ATF6: variants seen among roughly 807,000 people sequenced by gnomAD.
The protein encoded by ATF6 is activating transcription factor 6.
ATF6 carries 53 observed loss-of-function variants against 83.6 expected under a neutral mutation model. The ratio of observed to expected loss-of-function variants is 0.63; its 90% CI spans 0.51 to 0.80. The LOEUF (loss-of-function observed/expected upper bound fraction) is 0.80. Among genes scored for constraint, ATF6 ranks in the 30% least tolerant of loss-of-function variants. The pLI is 0.00. For missense variants in ATF6, 744 were observed against 797.9 expected, an observed-to-expected ratio of 0.93 and a Z score of 0.81; for synonymous variants, 288 against 285.8, an observed-to-expected ratio of 1.01 and a Z score of -0.08.
intron 9 of ATF6, among the ~76,000 whole-genome samples, chr1:161,839,908 G>C (rs1272365055): frequency 6.6e-6 from 1 of 152,202 alleles, no homozygotes. Flanking sequence ...GATACAGGGA[G>C]AGGTCAATTG....
chr1:161,890,371 T>TA (rs1431002054), intron 14 of ATF6, among the ~76,000 whole-genome samples: 3 of 152,350 alleles, frequency 2.0e-5, no homozygotes, highest in African/African-American at 7.2e-5. Flanking sequence ...AGGTTACCTG[T>TA]AAAGGTGTGA....
At chr1:161,929,494 A>G (rs1450151601) in intron 15 of ATF6, among the ~76,000 whole-genome samples, 2 of 152,168 alleles carry the variant, frequency 1.3e-5, no homozygotes, top group East Asian at 3.8e-4. Flanking sequence ...CCTAGGCCAT[A>G]TGCCTGTACC....
At chr1:161,863,971 G>C (rs895925229) in intron 14 of ATF6, among the ~76,000 whole-genome samples, 1 of 152,050 alleles carries the variant, frequency 6.6e-6, no homozygotes, top group African/African-American at 2.4e-5. Context: ...TCATAGAATT[G>C]CCATGTGAAT....
At chr1:161,812,232 A>G (rs1375558609) in intron 7 of ATF6, among the ~76,000 whole-genome samples, 3 of 152,040 alleles carry the variant, frequency 2.0e-5, no homozygotes, top group African/African-American at 7.2e-5. Context: ...GCTCAGAGGA[A>G]TGTTAAGTTT....
intron 7 of ATF6, among the ~76,000 whole-genome samples, chr1:161,809,402 C>T (rs1401172942): frequency 6.6e-6 from 1 of 152,178 alleles, no homozygotes; most frequent in Non-Finnish European, 1.5e-5. Flanking sequence ...CATAGTATTC[C>T]ATGGTGTATA....
At chr1:161,901,573 TAAC>T (rs1483024846) in intron 14 of ATF6, among the ~76,000 whole-genome samples, 1 of 151,948 alleles carries the variant, frequency 6.6e-6, no homozygotes, top group Non-Finnish European at 1.5e-5. Flanking sequence ...TAATGGAAGA[TAAC>T]AAGATTCTTA....
chr1:161,858,508 A>G (rs570391648), intron 12 of ATF6, among the ~76,000 whole-genome samples: 4 of 152,234 alleles, frequency 2.6e-5, no homozygotes, highest in African/African-American at 9.6e-5. Flanking sequence ...ACTTCCAAAC[A>G]AAGATTATTC....
At chr1:161,794,224 C>T (rs1459889799) in intron 6 of ATF6, among the ~76,000 whole-genome samples, 1 of 151,912 alleles carries the variant, frequency 6.6e-6, no homozygotes, top group Non-Finnish European at 1.5e-5. Context: ...TTTTATAGTA[C>T]AATCTAAATA....
chr1:161,877,900 G>A (rs1687248156), intron 14 of ATF6, among the ~76,000 whole-genome samples: 1 of 152,068 alleles, frequency 6.6e-6, no homozygotes, highest in Non-Finnish European at 1.5e-5. Flanking sequence ...GAATTACTAG[G>A]TAGAAAGGAC....
chr1:161,908,095 A>C (rs1164662759), intron 14 of ATF6, among the ~76,000 whole-genome samples: 1 of 152,212 alleles, frequency 6.6e-6, no homozygotes, highest in Admixed American at 6.5e-5. Context: ...GTAGTCTTGA[A>C]AAAAGACACA....
intron 14 of ATF6, among the ~76,000 whole-genome samples, chr1:161,879,339 C>T (rs531879464): frequency 6.6e-6 from 1 of 152,092 alleles, no homozygotes; most frequent in African/African-American, 2.4e-5. Context: ...ATTGTGAGGC[C>T]TTGGTGGGGT....
At chr1:161,935,572 A>G (rs1688520407) in intron 15 of ATF6, among the ~76,000 whole-genome samples, 2 of 152,238 alleles carry the variant, frequency 1.3e-5, no homozygotes, top group African/African-American at 4.8e-5. Flanking sequence ...AGCAGCCTGA[A>G]CAGACAGAGA....
intron 14 of ATF6, among the ~76,000 whole-genome samples, chr1:161,869,485 C>T (rs1257303975): frequency 6.6e-6 from 1 of 151,808 alleles, no homozygotes; most frequent in Non-Finnish European, 1.5e-5. Context: ...TGGCCATTTT[C>T]TTATCTCCAC....
intron 14 of ATF6, among the ~76,000 whole-genome samples, chr1:161,908,159 A>G (rs542320182): frequency 6.6e-6 from 1 of 152,278 alleles, no homozygotes; most frequent in South Asian, 2.1e-4. Context: ...AGTGAGTTTT[A>G]TAGGGGGAAT....
intron 15 of ATF6, among the ~76,000 whole-genome samples, chr1:161,947,164 G>A (rs1267800728): frequency 1.3e-5 from 2 of 152,190 alleles, no homozygotes; most frequent in East Asian, 1.9e-4. Context: ...CAAGGATTAC[G>A]GCAGTGGAGT....
At chr1:161,932,925 A>G (rs1448324086) in intron 15 of ATF6, among the ~76,000 whole-genome samples, 3 of 152,186 alleles carry the variant, frequency 2.0e-5, no homozygotes, top group African/African-American at 4.8e-5. Context: ...GTTCCTTGCC[A>G]TATGCGCCTC....
chr1:161,858,367 A>G (rs1469339561), intron 12 of ATF6, among the ~76,000 whole-genome samples: 1 of 152,126 alleles, frequency 6.6e-6, no homozygotes. Flanking sequence ...CCAACTATAT[A>G]TTGTTTATAA....
Position 161,812,593 on chromosome 1 carries a change from G to A in ATF6, c.910-7040G>A, listed in dbSNP as rs948030876. ...TTTTTAGTAGAGACGGGGTTTCACC[G>A]TTTTTAGCCGGGATGGTCTCGATCT... On this transcript the variant is annotated intron_variant, in intron 7 of 15. Transcript: ENST00000367942. Among the ~76,000 whole-genome samples the A allele has an allele frequency of 2.6e-5, 4 of 151,328 alleles. No homozygotes were observed. The South Asian group carries it at 6.3e-4, about 24-fold the overall frequency.
chr1:161,813,078 A>G (rs1685514806), intron 7 of ATF6, among the ~76,000 whole-genome samples: 1 of 151,922 alleles, frequency 6.6e-6, no homozygotes, highest in Admixed American at 6.6e-5. Context: ...TTTGCTTACA[A>G]CTTTATGGGA....
Sources: gnomAD v4.1 joint callset for allele counts (sites outside exome capture counted in the v4.1 genomes callset) on GRCh38, gnomAD v4.1.1 for gene constraint, MANE v1.5 for transcripts, NCBI Gene and HGNC (gene_info 2026-07-23, HGNC 2026-07-21) for gene names.